The following C2CD2 variants were observed in gnomAD, a reference collection of about 807,000 sequenced individuals.
C2CD2 encodes C2 calcium dependent domain containing 2.
A neutral mutation model predicts 74.3 loss-of-function variants in C2CD2; 43 were observed. The observed-to-expected ratio is 0.58, with a 90% CI of 0.45 to 0.75. The LOEUF (loss-of-function observed/expected upper bound fraction) is 0.75, where lower values mean the gene tolerates loss of function less well. C2CD2 is among the 30% of genes least tolerant of loss of function. The pLI, the probability that C2CD2 is intolerant of heterozygous loss-of-function variation, is 0.00. For missense variants in C2CD2, 801 were observed against 916.3 expected (o/e 0.87, Z 1.63); for synonymous variants, 422 against 390.7 (o/e 1.08, Z -0.94).
Position 41,889,037 on chromosome 21 carries a change from A to T in C2CD2, c.*87T>A. 3 of 946,670 alleles carry T rather than the reference A, an allele frequency of 3.2e-6. 1 individual carries two copies. Among genetic ancestry groups the T allele is most frequent in the South Asian group, 2.8e-5 (2 of 72,096 alleles). 58.6% of individuals were successfully genotyped at this position (946,670 alleles called of 1,614,324 possible). ...CCAGCAAGACAAGCGGGGCATCTGGACATCCGGCGGACACACTGGCTGCGT... is the reference window on the plus strand; with the variant it reads ...CCAGCAAGACAAGCGGGGCATCTGGTCATCCGGCGGACACACTGGCTGCGT... On this transcript the variant is annotated 3_prime_UTR_variant, in exon 14 of 14. Coordinates refer to ENST00000380486, the MANE Select transcript of C2CD2 (RefSeq NM_015500.2).
In C2CD2 at chr21:41,895,770, C is replaced by G. The variant is rs2064814826; in HGVS notation, c.1870+3283G>C. ...TCCTATTTGTCTCTACAGAGTCTAA[C>G]AGACATAAATAGCGAATTGAAGGTT... On this transcript the variant is annotated intron_variant, in intron 13 of 13. Transcript: ENST00000380486. This position sits in a 1 kb window ranked among gnomAD's most constrained non-coding sequence, Gnocchi z 5.0. Among the ~76,000 whole-genome samples, 1 of 151,988 alleles carries G rather than the reference C, an allele frequency of 6.6e-6. No individual in the cohort carries two copies. Among genetic ancestry groups the G allele is most frequent in the Admixed American group, 6.6e-5 (1 of 15,254 alleles).
Position 41,903,760 on chromosome 21 carries a change from G to A in C2CD2, c.1432+1964C>T, listed in dbSNP as rs544843534. Among the ~76,000 whole-genome samples the A allele has an allele frequency of 2.0e-4, 30 of 152,162 alleles. No individual in the cohort carries two copies. The highest frequency in any genetic ancestry group is 3.3e-4 in the Admixed American group (5 of 15,286). On this transcript the variant is annotated intron_variant, in intron 11 of 13. Transcript: ENST00000380486. The surrounding 1 kb of genome is among the most constrained non-coding windows in gnomAD (Gnocchi z 4.5). ...CCAGGTGCCAGGTGCAGCCTGCACCGTGGCAGGTGAGCCTGGGGGCCGGCT... is the reference window on the plus strand; with the variant it reads ...CCAGGTGCCAGGTGCAGCCTGCACCATGGCAGGTGAGCCTGGGGGCCGGCT...
chr21:41,949,282 T>C (rs994798736), intron 1 of C2CD2, among the ~76,000 whole-genome samples: 9 of 152,202 alleles, frequency 5.9e-5, no homozygotes, highest in East Asian at 1.9e-4. Flanking sequence ...TTTGTAAATA[T>C]TGATGTAATC....
In C2CD2 at chr21:41,903,575, C is replaced by A. The variant is rs577661965; in HGVS notation, c.1433-1826G>T. Among the ~76,000 whole-genome samples the A allele has an allele frequency of 7.9e-5, 12 of 152,150 alleles. No individual in the cohort carries two copies. Among genetic ancestry groups the A allele is most frequent in the Non-Finnish European group, 1.6e-4 (11 of 68,026 alleles). ...GAACAGATTTTTGTTTAGCCACTGACCCACACTGAGAAGAGAGAAGTGCTG... is the reference window on the plus strand; with the variant it reads ...GAACAGATTTTTGTTTAGCCACTGAACCACACTGAGAAGAGAGAAGTGCTG... On this transcript the variant is annotated intron_variant, in intron 11 of 13. Transcript: ENST00000380486. This position sits in a 1 kb window ranked among gnomAD's most constrained non-coding sequence, Gnocchi z 4.5.
chr21:41,889,525 G>A (rs62214729), intron 13 of C2CD2, among the ~76,000 whole-genome samples, 181 bp from the exon 14 acceptor site: 5 of 152,086 alleles, frequency 3.3e-5, no homozygotes, highest in Admixed American at 1.3e-4. Context: ...TGTACAAAAC[G>A]AGAGTTTTCA....
In C2CD2 at chr21:41,953,618, C is replaced by A. The variant is rs762924903; in HGVS notation, c.31G>T (p.Gly11Trp). Residue 11 changes from glycine to tryptophan, a missense_variant, in exon 1 of 14, where the codon GGG (glycine) becomes TGG (tryptophan). By Grantham distance (184) the Gly-to-Trp change is radical. Transcript: ENST00000380486. Reference sequence around the variant, plus strand: ...ACCAGCGCGAGCCACTGCGCCTCCCCGAGCCACGAGCCCAGCCGGGCCATG... The same window carrying A: ...ACCAGCGCGAGCCACTGCGCCTCCCAGAGCCACGAGCCCAGCCGGGCCATG... MAMARLGSWL[G>W]EAQWLALVSL... 1 of 1,491,892 alleles carries A rather than the reference C, an allele frequency of 6.7e-7. No homozygotes were observed. Among genetic ancestry groups the A allele is most frequent in the East Asian group, 2.9e-5 (1 of 34,516 alleles). 92.4% of individuals were successfully genotyped at this position (1,491,892 alleles called of 1,614,324 possible). A position where few individuals can be genotyped will look rare whatever the true frequency, so the allele number is the denominator to read the frequency against.
intron 2 of C2CD2, among the ~76,000 whole-genome samples, chr21:41,936,030 C>G (rs190316745): frequency 1.4e-5 from 2 of 146,638 alleles, no homozygotes; most frequent in African/African-American, 4.9e-5. Flanking sequence ...CTTTAAGACA[C>G]TGGATTGGGC....
rs139705831 is a variant in C2CD2, at chr21:41,938,034, C to T, written c.378+4113G>A. Among the ~76,000 whole-genome samples the T allele has an allele frequency of 7.2e-4, 110 of 152,096 alleles. 1 individual carries two copies. Among genetic ancestry groups the T allele is most frequent in the South Asian group, 1.9e-3 (9 of 4,806 alleles). On this transcript the variant is annotated intron_variant, in intron 2 of 13. Transcript: ENST00000380486. ...CACGTTCAAGAGACCTATTGCATAC[C>T]GTGGTGACTAAAGTTAATAAAAATA... is the stretch of plus-strand genomic sequence containing the variant.
At chr21:41,915,143 A>G (rs113677252) in intron 5 of C2CD2, among the ~76,000 whole-genome samples, 7,479 of 152,272 alleles carry the variant, frequency 0.049, 621 homozygotes, top group African/African-American at 0.17. Context: ...GCAGGACACC[A>G]GACAGATGGG....
At chr21:41,890,106 A>G (rs2064733007) in intron 13 of C2CD2, among the ~76,000 whole-genome samples, 1 of 152,198 alleles carries the variant, frequency 6.6e-6, no homozygotes, top group Non-Finnish European at 1.5e-5. Flanking sequence ...ATAAAACCCA[A>G]TTAAGACCCT....
chr21:41,940,863 A>T (rs73904787), intron 2 of C2CD2, among the ~76,000 whole-genome samples: 3,442 of 152,306 alleles, frequency 0.023, 117 homozygotes, highest in African/African-American at 0.067. Context: ...AGCCAACAAG[A>T]ATATACTGTA....
intron 3 of C2CD2, among the ~76,000 whole-genome samples, chr21:41,920,237 G>A (rs1056633140): frequency 1.3e-5 from 2 of 152,202 alleles, no homozygotes; most frequent in African/African-American, 2.4e-5. Flanking sequence ...CCTCCTTCAC[G>A]ATGGCATCAC....
Position 41,899,178 on chromosome 21 carries a change from C to G in C2CD2, c.1745G>C (p.Trp582Ser). The change falls in exon 13 of 14, where the codon TGG (tryptophan) becomes TCG (serine). Residue 582 changes from tryptophan (W) to serine (S), a missense_variant. Physicochemically the swap from Trp to Ser is radical, Grantham distance 177. Transcript: ENST00000380486. This position sits in a 1 kb window ranked among gnomAD's most constrained non-coding sequence, Gnocchi z 4.4. ...PKPQEDELDSWDLEKEPQAAA... is the reference protein window; with the variant it reads ...PKPQEDELDSSDLEKEPQAAA... ...GGCCTGTGGCTCCTTCTCCAAGTCC[C>G]AGGAGTCTAGCTCGTCCTCCTGGGG... 6.2e-7 allele frequency: 1 copy of G among 1,613,212 alleles called. No individual in the cohort carries two copies. The highest frequency in any genetic ancestry group is 2.2e-5 in the East Asian group (1 of 44,856).
intron 13 of C2CD2, among the ~76,000 whole-genome samples, chr21:41,896,844 C>G (rs924040565): frequency 6.6e-6 from 1 of 152,052 alleles, no homozygotes; most frequent in Non-Finnish European, 1.5e-5. Flanking sequence ...ATTGTGACAG[C>G]ATCTCACAGA....
intron 2 of C2CD2, among the ~76,000 whole-genome samples, chr21:41,934,740 A>G (rs1293128422): frequency 6.6e-6 from 1 of 152,230 alleles, no homozygotes; most frequent in Non-Finnish European, 1.5e-5. Flanking sequence ...GGGGGTGGAC[A>G]GTATCCTCTA....
Position 41,923,618 on chromosome 21 carries a change from T to A in C2CD2, c.379-1533A>T, listed in dbSNP as rs1187098652. Among the ~76,000 whole-genome samples the A allele has an allele frequency of 6.6e-6, 1 of 152,120 alleles. No individual in the cohort carries two copies. Among genetic ancestry groups the A allele is most frequent in the Non-Finnish European group, 1.5e-5 (1 of 68,010 alleles). On this transcript the variant is annotated intron_variant, in intron 2 of 13. Coordinates refer to ENST00000380486, the MANE Select transcript of C2CD2 (RefSeq NM_015500.2). The surrounding 1 kb of genome is among the most constrained non-coding windows in gnomAD (Gnocchi z 5.8). ...CCGTACCAAAACCAGAATTATAAAA[T>A]GAGCTCGTTGAAGAAACTGTCAGAC... is the stretch of plus-strand genomic sequence containing the variant.
intron 2 of C2CD2, among the ~76,000 whole-genome samples, chr21:41,940,240 G>A (rs576801425): frequency 8.5e-5 from 13 of 152,270 alleles, no homozygotes; most frequent in Admixed American, 3.9e-4. Flanking sequence ...GGGTAAGTGA[G>A]CTCGGGTTCA....
In C2CD2 at chr21:41,926,623, C is replaced by CA. The variant is rs960066873; in HGVS notation, c.379-4539dup. On this transcript the variant is annotated intron_variant, in intron 2 of 13. Transcript: ENST00000380486. The surrounding 1 kb of genome is among the most constrained non-coding windows in gnomAD (Gnocchi z 8.0). ...CTATTCCTTTGTTTAGACTTGGGGC[C>CA]AAAAAATTCCAGGCACAGTTACTCC... 70 of 984,648 alleles carry CA rather than the reference C, an allele frequency of 7.1e-5. No individual in the cohort carries two copies. The East Asian group carries it at 7.9e-4, about 11-fold the overall frequency. The allele number at this position is 984,648 out of a possible 1,614,324, so 61.0% of individuals were successfully genotyped here. A position where few individuals can be genotyped will look rare whatever the true frequency, so the allele number is the denominator to read the frequency against.
chr21:41,947,112 T>TTCTCTCCCTCTCTCTC lies in C2CD2; in HGVS notation c.280-4868_280-4867insGAGAGAGAGGGAGAGA, dbSNP rs1555906756. Among the ~76,000 whole-genome samples the TTCTCTCCCTCTCTCTC allele has an allele frequency of 4.2e-4, 11 of 26,210 alleles. 1 individual carries two copies. The highest frequency in any genetic ancestry group is 2.2e-3 in the South Asian group (2 of 926). 17.2% of individuals were successfully genotyped at this position (26,210 alleles called of 152,430 possible). ...TTTCTTTCTTTCTTTCCTTTCTCTT[T>TTCTCTCCCTCTCTCTC]TCTCTCTCTCTCTCTCTCTCTCTCT... is the stretch of plus-strand genomic sequence containing the variant. On this transcript the variant is annotated intron_variant, in intron 1 of 13. Coordinates refer to ENST00000380486, the MANE Select transcript of C2CD2 (RefSeq NM_015500.2).
Sources: allele counts gnomAD v4.1 joint callset (sites outside exome capture counted in the v4.1 genomes callset), GRCh38; gene constraint gnomAD v4.1.1; non-coding constraint Gnocchi (gnomAD v3.1); transcripts MANE v1.5; gene names NCBI Gene and HGNC (gene_info 2026-07-23, HGNC 2026-07-21).